Variants in TTC7B observed in about 807,000 individuals in gnomAD.
The protein encoded by TTC7B is tetratricopeptide repeat protein 7B.
In TTC7B, 28 loss-of-function variants were observed where a neutral mutation model predicts 106.8. That is an observed-to-expected ratio of 0.26 (90% CI 0.19 to 0.36). TTC7B has a LOEUF of 0.36. Among genes scored for constraint, TTC7B ranks in the 10% least tolerant of loss-of-function variants. TTC7B has a pLI of 1.00. For synonymous variants in TTC7B, 405 were observed against 430.6 expected, an observed-to-expected ratio of 0.94 and a Z score of 0.74; for missense variants, 862 against 1,076.4, an observed-to-expected ratio of 0.80 and a Z score of 2.79.
At chr14:90,604,116 G>A (rs142381788) in intron 17 of TTC7B, among the ~76,000 whole-genome samples, 1 of 152,298 alleles carries the variant, frequency 6.6e-6, no homozygotes, top group East Asian at 1.9e-4. Context: ...GGGCTCACAA[G>A]ATGCAACATG....
intron 17 of TTC7B, among the ~76,000 whole-genome samples, chr14:90,594,580 C>T (rs1892125342): frequency 6.6e-6 from 1 of 152,106 alleles, no homozygotes; most frequent in African/African-American, 2.4e-5. Flanking sequence ...TATTTCTATT[C>T]ACCTGCATCA....
At chr14:90,668,276 A>T (rs758819622) in intron 9 of TTC7B, among the ~76,000 whole-genome samples, 3 of 152,174 alleles carry the variant, frequency 2.0e-5, no homozygotes, top group Non-Finnish European at 4.4e-5. Flanking sequence ...ATTACCCATC[A>T]ATTGCTGTGC....
At chr14:90,775,437 G>A (rs1055831428) in intron 3 of TTC7B, among the ~76,000 whole-genome samples, 1 of 152,122 alleles carries the variant, frequency 6.6e-6, no homozygotes, top group African/African-American at 2.4e-5. Flanking sequence ...AAGTGACAAA[G>A]CCAGAGGTCA....
intron 15 of TTC7B, among the ~76,000 whole-genome samples, chr14:90,636,896 A>C (rs1884967204): frequency 6.6e-6 from 1 of 151,904 alleles, no homozygotes; most frequent in African/African-American, 2.4e-5. Context: ...CATTTAGAGG[A>C]AAATTTTTAG....
chr14:90,807,023 C>A lies in TTC7B; in HGVS notation c.121+9152G>T, dbSNP rs1416650058. Among the ~76,000 whole-genome samples the A allele has an allele frequency of 6.6e-6, 1 of 152,208 alleles. No individual in the cohort carries two copies. The highest frequency in any genetic ancestry group is 2.4e-5 in the African/African-American group (1 of 41,456). ...AGGTCTAACAGGGCAAAGCCCACTG[C>A]TTTCTCCTGCCCGGGGTTCCTTTCC... On this transcript the variant is annotated intron_variant, in intron 1 of 19. Transcript: ENST00000328459. This position sits in a 1 kb window ranked among gnomAD's most constrained non-coding sequence, Gnocchi z 4.1.
At chr14:90,756,380 T>G (rs1311428470) in intron 3 of TTC7B, among the ~76,000 whole-genome samples, 4 of 37,722 alleles carry the variant, frequency 1.1e-4, no homozygotes, top group Admixed American at 5.5e-4. Flanking sequence ...TTCTTTTTTT[T>G]TTTGTTTTTT....
intron 5 of TTC7B, among the ~76,000 whole-genome samples, chr14:90,709,997 A>G (rs1888380253): frequency 6.7e-6 from 1 of 149,292 alleles, no homozygotes; most frequent in East Asian, 1.9e-4. Flanking sequence ...AAAAAAAAAG[A>G]AAAGAAATTG....
intron 15 of TTC7B, among the ~76,000 whole-genome samples, chr14:90,623,772 G>A (rs1460412544): frequency 2.0e-5 from 3 of 152,218 alleles, no homozygotes; most frequent in Non-Finnish European, 4.4e-5. Context: ...TGTTGTCCCA[G>A]CACCTTGGGA....
At chr14:90,816,151 C>T (rs1222208995) in intron 1 of TTC7B, 24 bp downstream of exon 1, 2 of 1,193,400 alleles carry the variant, frequency 1.7e-6, no homozygotes, top group Non-Finnish European at 1.1e-6. Context: ...CCCCGCAGCC[C>T]AGGCCGGCGC....
At chr14:90,576,891 C>T (rs1252634668) in intron 19 of TTC7B, among the ~76,000 whole-genome samples, 1 of 152,210 alleles carries the variant, frequency 6.6e-6, no homozygotes, top group African/African-American at 2.4e-5. Context: ...AAACCACATC[C>T]TATTAGTCTT....
At chr14:90,709,003 T>G (rs1470482972) in intron 5 of TTC7B, among the ~76,000 whole-genome samples, 4 of 151,174 alleles carry the variant, frequency 2.6e-5, no homozygotes, top group Non-Finnish European at 5.9e-5. Context: ...CTCACACCAG[T>G]TAGAATGGCG....
Position 90,816,165 on chromosome 14 carries a change from C to G in TTC7B, c.121+10G>C, listed in dbSNP as rs2031177152. On this transcript the variant is annotated intron_variant, in intron 1 of 19. Coordinates refer to ENST00000328459, the MANE Select transcript of TTC7B (RefSeq NM_001010854.2). The stretch of plus-strand genomic sequence containing the variant: ...CCCCCGCAGCCCAGGCCGGCGCGCC[C>G]GGAGCGTACCGTTGGCGATGAGCTT... 1 of 1,230,842 alleles carries G rather than the reference C, an allele frequency of 8.1e-7. No individual in the cohort carries two copies. The highest frequency in any genetic ancestry group is 1.0e-6 in the Non-Finnish European group (1 of 954,972). The allele number at this position is 1,230,842 out of a possible 1,614,324, so 76.2% of individuals were successfully genotyped here.
chr14:90,681,891 GTA>G (rs34209759), intron 7 of TTC7B, among the ~76,000 whole-genome samples: 108,745 of 150,868 alleles, frequency 0.72, 39,348 homozygotes, highest in East Asian at 0.96. Flanking sequence ...GTGTGTGTGT[GTA>G]TGTGTGTGTG....
intron 3 of TTC7B, among the ~76,000 whole-genome samples, chr14:90,754,857 T>C (rs1890238697): frequency 1.3e-5 from 2 of 152,240 alleles, no homozygotes; most frequent in Non-Finnish European, 2.9e-5. Flanking sequence ...GTGGCTTCTT[T>C]GACTTAGCAT....
intron 4 of TTC7B, among the ~76,000 whole-genome samples, chr14:90,734,456 A>G (rs1889443099): frequency 6.6e-6 from 1 of 151,950 alleles, no homozygotes; most frequent in South Asian, 2.1e-4. Flanking sequence ...AAACAACGAC[A>G]AAAATCATTC....
intron 9 of TTC7B, among the ~76,000 whole-genome samples, chr14:90,664,326 G>A (rs932055940): frequency 3.3e-5 from 5 of 152,138 alleles, no homozygotes; most frequent in African/African-American, 1.2e-4. Flanking sequence ...CTGGAGTGTG[G>A]TAGCATAATC....
chr14:90,655,380 CT>C (rs1348514711), intron 11 of TTC7B, among the ~76,000 whole-genome samples: 2 of 152,116 alleles, frequency 1.3e-5, no homozygotes, highest in Non-Finnish European at 2.9e-5. Flanking sequence ...GGGGGTCTAT[CT>C]TTTTCATCTT....
At chr14:90,747,818 C>A (rs1232544702) in intron 3 of TTC7B, among the ~76,000 whole-genome samples, 1 of 152,192 alleles carries the variant, frequency 6.6e-6, no homozygotes, top group African/African-American at 2.4e-5. Context: ...TTATTAAGAT[C>A]ATAAACCTTT....
At chr14:90,716,361 G>C (rs1452557069) in intron 5 of TTC7B, among the ~76,000 whole-genome samples, 1 of 152,214 alleles carries the variant, frequency 6.6e-6, no homozygotes, top group Non-Finnish European at 1.5e-5. Context: ...TGGCTAAAAT[G>C]ACTTCACAGA....
Sources: allele counts gnomAD v4.1 joint callset (sites outside exome capture counted in the v4.1 genomes callset), GRCh38; gene constraint gnomAD v4.1.1; non-coding constraint Gnocchi (gnomAD v3.1); transcripts MANE v1.5; gene names NCBI Gene and HGNC (gene_info 2026-07-23, HGNC 2026-07-21).